CD46: variants seen among roughly 807,000 people sequenced by gnomAD.
CD46 encodes the protein CD46 molecule, also known as membrane cofactor protein.
In CD46, 30 loss-of-function variants were observed where a neutral mutation model predicts 53.3. The ratio of observed to expected loss-of-function variants is 0.56; its 90% CI spans 0.42 to 0.76. The LOEUF (loss-of-function observed/expected upper bound fraction) is 0.76. CD46 is among the 30% of genes least tolerant of loss of function. The pLI is 0.00. For synonymous variants in CD46, 142 were observed against 152.0 expected (o/e 0.93, Z 0.48); for missense variants, 409 against 463.0 (o/e 0.88, Z 1.07).
intron 8 of CD46, among the ~76,000 whole-genome samples, chr1:207,782,417 T>G (rs1658833796): frequency 1.3e-5 from 2 of 152,130 alleles, no homozygotes; most frequent in Admixed American, 1.3e-4. Flanking sequence ...TTGAATTTCT[T>G]TTTCTTACCT....
At position 207,752,301 on chromosome 1, in the gene CD46, C is replaced by T; in HGVS notation, c.89C>T (p.Ser30Phe). Residue 30 changes from serine to phenylalanine, a missense_variant, in exon 1 of 13, where the codon TCC (serine) becomes TTC (phenylalanine). Coordinates refer to ENST00000367042, the MANE Select transcript of CD46 (RefSeq NM_172351.3). The surrounding 1 kb of genome is among the most constrained non-coding windows in gnomAD (Gnocchi z 4.1). ...LLAAMVLLLY[S>F]FSDACEEPPT... ...GCGGCCATGGTGTTGCTGCTGTACT[C>T]CTTCTCCGGTAGGACCCCGGGGCGG... 1.2e-6 allele frequency: 2 copies of T among 1,614,056 alleles called. No homozygotes were observed. The highest frequency in any genetic ancestry group is 1.1e-5 in the South Asian group (1 of 91,084).
intron 8 of CD46, among the ~76,000 whole-genome samples, chr1:207,782,638 C>CTTTT (rs1558074831): frequency 3.0e-5 from 4 of 133,464 alleles, no homozygotes; most frequent in African/African-American, 1.2e-4. Flanking sequence ...TTATTAATCC[C>CTTTT]TCTTTTTTTT....
At chr1:207,761,467 C>T (rs1656206098) in intron 5 of CD46, 21 bp downstream of exon 5, 1 of 1,590,312 alleles carries the variant, frequency 6.3e-7, no homozygotes, top group South Asian at 1.1e-5. Context: ...AATTTATTTC[C>T]TTCTTCATTT....
At chr1:207,757,414 C>T (rs920531020) in intron 2 of CD46, 126 bp from the exon 3 acceptor site, 2 of 783,758 alleles carry the variant, frequency 2.6e-6, no homozygotes, top group African/African-American at 1.7e-5. Context: ...CTTAAGTTTG[C>T]CCTTATAATA....
intron 6 of CD46, 29 bp from the exon 7 acceptor site, chr1:207,767,750 C>A: frequency 6.2e-7 from 1 of 1,607,926 alleles, no homozygotes. Context: ...AGTGTTTGGT[C>A]CAATCTACAT....
intron 5 of CD46, among the ~76,000 whole-genome samples, chr1:207,764,369 A>G (rs781628982): frequency 2.6e-5 from 4 of 152,196 alleles, no homozygotes; most frequent in Non-Finnish European, 5.9e-5. Flanking sequence ...ATCTGAATCC[A>G]TGTAATTAAT....
At position 207,777,640 on chromosome 1, in the gene CD46, AG is replaced by A. The variant is rs41317837; in HGVS notation, c.944-5651del. ...CGCTCGTTCTTTTTTATGGCTACGT[AG>A]TATTCCACGGTGTATATGTACCACA... On this transcript the variant is annotated intron_variant, in intron 8 of 12. Transcript: ENST00000367042. Among the ~76,000 whole-genome samples the A allele has an allele frequency of 7.5e-3, 1,136 of 152,252 alleles. 16 individuals carry two copies. Among genetic ancestry groups the A allele is most frequent in the Non-Finnish European group, 0.011 (732 of 68,006 alleles).
chr1:207,788,360 C>CAAAAAAAA (rs1205954774), intron 11 of CD46, among the ~76,000 whole-genome samples: 3 of 80,100 alleles, frequency 3.7e-5, no homozygotes, highest in Admixed American at 1.2e-4. Flanking sequence ...ACTAAAAATA[C>CAAAAAAAA]AAAAAAAAAA....
intron 8 of CD46, among the ~76,000 whole-genome samples, chr1:207,779,529 G>C (rs1020250918): frequency 6.6e-6 from 1 of 152,004 alleles, no homozygotes; most frequent in East Asian, 1.9e-4. Context: ...ATGTTCAGAC[G>C]TTTTATATTA....
intron 12 of CD46, among the ~76,000 whole-genome samples, chr1:207,791,842 T>A (rs1042430972): frequency 1.3e-5 from 2 of 152,238 alleles, no homozygotes; most frequent in African/African-American, 4.8e-5. Context: ...TTTGCCATCT[T>A]CAAAATAGCT....
chr1:207,773,371 G>T (rs1042828588), intron 8 of CD46, among the ~76,000 whole-genome samples: 2 of 152,094 alleles, frequency 1.3e-5, no homozygotes, highest in South Asian at 4.2e-4. Flanking sequence ...AGTTTTTGAA[G>T]GGTTTTTTAT....
rs150628234 is a variant in CD46, at chr1:207,786,059, C to T, written c.1082+377C>T. On this transcript the variant is annotated intron_variant, in intron 11 of 12. Coordinates refer to ENST00000367042, the MANE Select transcript of CD46 (RefSeq NM_172351.3). ...AATTTAAAGTATTTCACTGTGGAGA[C>T]TTTGACAGTTGTATTCACTGGAATT... 4.9e-3 allele frequency: 990 copies of T among 201,948 alleles called. 7 individuals carry two copies. The highest frequency in any genetic ancestry group is 7.2e-3 in the Non-Finnish European group (705 of 97,778). 12.5% of individuals were successfully genotyped at this position (201,948 alleles called of 1,614,324 possible). A position where few individuals can be genotyped will look rare whatever the true frequency, so the allele number is the denominator to read the frequency against.
At chr1:207,761,076 G>C (rs1399709461) in intron 4 of CD46, 173 bp from the exon 5 acceptor site, 2 of 596,580 alleles carry the variant, frequency 3.4e-6, no homozygotes, top group Non-Finnish European at 5.9e-6. Flanking sequence ...CTACATTAAT[G>C]GTTTGAATTT....
chr1:207,790,117 GTCTTAAGTTATGAAC>G, intron 11 of CD46, 121 bp from the exon 12 acceptor site: 1 of 680,542 alleles, frequency 1.5e-6, no homozygotes, highest in Non-Finnish European at 2.7e-6. Flanking sequence ...GAATGAGAAA[GTCTTAAGTTATGAAC>G]CTAATTCTCA....
At position 207,785,254 on chromosome 1, in the gene CD46, C is replaced by T. The variant is rs41317981; in HGVS notation, c.1018+148C>T. 79 of 678,922 alleles carry T rather than the reference C, an allele frequency of 1.2e-4. No individual in the cohort carries two copies. The African/African-American group carries it at 1.3e-3, about 11-fold the overall frequency. The allele number at this position is 678,922 out of a possible 1,614,324, so 42.1% of individuals were successfully genotyped here. A position where few individuals can be genotyped will look rare whatever the true frequency, so the allele number is the denominator to read the frequency against. On this transcript the variant is annotated intron_variant, in intron 10 of 12. Transcript: ENST00000367042. ...AAAACCTGACTTTTTATTTGATATA[C>T]TTAACTACCTACCTTGTGTTAGTGA...
At chr1:207,767,502 TG>T in intron 6 of CD46, 2 of 977,426 alleles carry the variant, frequency 2.0e-6, no homozygotes, top group Non-Finnish European at 3.3e-6. Flanking sequence ...AATTGAAACA[TG>T]GGCATTTTTA....
intron 1 of CD46, among the ~76,000 whole-genome samples, chr1:207,755,044 C>T (rs1249981755): frequency 6.6e-6 from 1 of 151,664 alleles, no homozygotes; most frequent in Non-Finnish European, 1.5e-5. Flanking sequence ...TCACTGGAGC[C>T]CCTCATGGTC....
At chr1:207,785,211 T>C in intron 10 of CD46, 105 bp downstream of exon 10, 1 of 891,086 alleles carries the variant, frequency 1.1e-6, no homozygotes, top group Non-Finnish European at 1.8e-6. Flanking sequence ...GCTTGTAAAT[T>C]GGTTAAACCG....
intron 11 of CD46, among the ~76,000 whole-genome samples, chr1:207,786,461 G>C (rs984993873): frequency 6.6e-6 from 1 of 152,148 alleles, no homozygotes; most frequent in Non-Finnish European, 1.5e-5. Context: ...TTTAGTTAAA[G>C]AGCTTACAGT....
Sources: gnomAD v4.1 joint callset for allele counts (sites outside exome capture counted in the v4.1 genomes callset) on GRCh38, gnomAD v4.1.1 for gene constraint, Gnocchi (gnomAD v3.1) non-coding constraint, MANE v1.5 for transcripts, NCBI Gene and HGNC (gene_info 2026-07-23, HGNC 2026-07-21) for gene names.